Variants in AGMO observed in about 807,000 individuals in gnomAD.
AGMO encodes the protein alkylglycerol monooxygenase.
AGMO carries 75 observed loss-of-function variants against 60.2 expected under a neutral mutation model. That is an observed-to-expected ratio of 1.25 (90% CI 1.03 to 1.51). AGMO has a LOEUF of 1.51. Ranked by LOEUF, AGMO falls within the 40% of genes most tolerant of loss-of-function variation. AGMO has a pLI of 0.00. For missense variants in AGMO, 763 were observed against 525.5 expected (o/e 1.45, Z -4.42); for synonymous variants, 261 against 177.1 (o/e 1.47, Z -3.76).
intron 12 of AGMO, among the ~76,000 whole-genome samples, chr7:15,363,482 C>A (rs1468975513): frequency 6.6e-6 from 1 of 152,136 alleles, no homozygotes; most frequent in Non-Finnish European, 1.5e-5. Context: ...ACGAGCAAAG[C>A]AAGACCAAGA....
chr7:15,431,205 A>C lies in AGMO; in HGVS notation c.410-97T>G, dbSNP rs1372513598. 5.2e-6 allele frequency: 4 copies of C among 774,822 alleles called. No homozygotes were observed. The African/African-American group carries it at 7.1e-5, about 14-fold the overall frequency. 48.0% of individuals were successfully genotyped at this position (774,822 alleles called of 1,614,324 possible). ...CTGCTCTGTTGAGTGAGGAAGAAAA[A>C]TCTGGAACATCTCTGTAAAAGCTGG... On this transcript the variant is annotated intron_variant, in intron 3 of 12. Coordinates refer to ENST00000342526, the MANE Select transcript of AGMO (RefSeq NM_001004320.2).
chr7:15,379,921 C>A (rs1783609096), intron 10 of AGMO, among the ~76,000 whole-genome samples: 3 of 151,286 alleles, frequency 2.0e-5, no homozygotes, highest in Non-Finnish European at 2.9e-5. Context: ...ATATGATTAT[C>A]CCAATAGATG....
chr7:15,228,557 A>C (rs1364290103), intron 12 of AGMO, among the ~76,000 whole-genome samples: 1 of 152,172 alleles, frequency 6.6e-6, no homozygotes, highest in Non-Finnish European at 1.5e-5. Flanking sequence ...GGTTAGGCAG[A>C]ATCACATATT....
chr7:15,248,212 A>C lies in AGMO; in HGVS notation c.1264-46853T>G, dbSNP rs556565890. On this transcript the variant is annotated intron_variant, in intron 12 of 12. Coordinates refer to ENST00000342526, the MANE Select transcript of AGMO (RefSeq NM_001004320.2). ...TATATATATATATATATATATATATATATATATATATATCTTCATCTTCAA... is the reference window on the plus strand; with the variant it reads ...TATATATATATATATATATATATATCTATATATATATATCTTCATCTTCAA... Among the ~76,000 whole-genome samples the C allele has an allele frequency of 4.0e-3, 391 of 97,894 alleles. 11 individuals carry two copies. The highest frequency in any genetic ancestry group is 0.016 in the African/African-American group (362 of 22,270). The allele number at this position is 97,894 out of a possible 152,430, so 64.2% of individuals were successfully genotyped here.
chr7:15,358,369 C>A, intron 12 of AGMO: 1 of 467,788 alleles, frequency 2.1e-6, no homozygotes, highest in South Asian at 1.6e-5. Flanking sequence ...GCTGCCCAGA[C>A]GAGATGATAA....
intron 5 of AGMO, among the ~76,000 whole-genome samples, chr7:15,402,606 T>C (rs1337696961): frequency 6.9e-6 from 1 of 145,826 alleles, no homozygotes; most frequent in Non-Finnish European, 1.5e-5. Flanking sequence ...ATTTATCATT[T>C]AATAATAATA....
At chr7:15,397,624 C>T (rs1225871032) in intron 5 of AGMO, among the ~76,000 whole-genome samples, 1 of 152,234 alleles carries the variant, frequency 6.6e-6, no homozygotes, top group African/African-American at 2.4e-5. Flanking sequence ...CCCCACCTCT[C>T]CCTCTCTTTC....
chr7:15,309,383 G>A (rs1194180850), intron 12 of AGMO, among the ~76,000 whole-genome samples: 1 of 152,066 alleles, frequency 6.6e-6, no homozygotes, highest in African/African-American at 2.4e-5. Context: ...AGCTCTCTGT[G>A]TTGTGAGAAT....
chr7:15,372,626 G>C (rs1010716147), intron 10 of AGMO, among the ~76,000 whole-genome samples: 1 of 151,322 alleles, frequency 6.6e-6, no homozygotes, highest in East Asian at 1.9e-4. Context: ...AACTACACTA[G>C]AGCAAAAGAA....
chr7:15,246,196 A>G (rs1207964220), intron 12 of AGMO, among the ~76,000 whole-genome samples: 3 of 152,188 alleles, frequency 2.0e-5, no homozygotes, highest in African/African-American at 4.8e-5. Flanking sequence ...TAGCTCTCTA[A>G]GGATGCTGAT....
intron 5 of AGMO, among the ~76,000 whole-genome samples, chr7:15,413,975 TAAA>T (rs1304991619): frequency 6.6e-6 from 1 of 152,170 alleles, no homozygotes; most frequent in Non-Finnish European, 1.5e-5. Flanking sequence ...TCTAAAATAA[TAAA>T]AACAATATTT....
intron 5 of AGMO, among the ~76,000 whole-genome samples, chr7:15,402,744 T>A (rs1784586048): frequency 6.7e-6 from 1 of 149,988 alleles, no homozygotes; most frequent in Non-Finnish European, 1.5e-5. Context: ...AATAAGGGTT[T>A]TCTATCAACA....
downstream of AGMO, among the ~76,000 whole-genome samples, chr7:15,195,963 T>G (rs1424762965): frequency 1.3e-5 from 2 of 152,054 alleles, no homozygotes; most frequent in African/African-American, 4.8e-5. Flanking sequence ...AGCTTGCTGA[T>G]GCTTACATAG....
chr7:15,406,277 T>C (rs1203404626), intron 5 of AGMO, among the ~76,000 whole-genome samples: 3 of 146,556 alleles, frequency 2.0e-5, no homozygotes, highest in Admixed American at 6.9e-5. Flanking sequence ...AGTATACATG[T>C]ACACATATGT....
intron 12 of AGMO, among the ~76,000 whole-genome samples, chr7:15,241,302 T>C (rs2128503034): frequency 6.7e-6 from 1 of 150,238 alleles, no homozygotes; most frequent in East Asian, 2.0e-4. Context: ...CTACTAAAAA[T>C]ACAAAAAATT....
chr7:15,202,122 A>C (rs926222584), intron 12 of AGMO, among the ~76,000 whole-genome samples: 2 of 152,138 alleles, frequency 1.3e-5, no homozygotes, highest in Non-Finnish European at 2.9e-5. Context: ...AAACAATGCC[A>C]AAACAACCAG....
intron 8 of AGMO, among the ~76,000 whole-genome samples, chr7:15,388,310 T>C (rs1482711901): frequency 2.6e-5 from 4 of 152,124 alleles, no homozygotes; most frequent in African/African-American, 7.2e-5. Flanking sequence ...CTCAAGGTCA[T>C]CGCCAAGCTC....
chr7:15,443,248 C>G (rs954018745), intron 3 of AGMO, among the ~76,000 whole-genome samples: 8 of 152,170 alleles, frequency 5.3e-5, no homozygotes, highest in African/African-American at 1.9e-4. Context: ...TAAAAGGGCA[C>G]ATGGTAACAC....
chr7:15,531,349 ATATATATTC>A (rs1562557062), intron 3 of AGMO, among the ~76,000 whole-genome samples: 3 of 77,028 alleles, frequency 3.9e-5, no homozygotes, highest in Non-Finnish European at 7.2e-5. Flanking sequence ...TATATATTCT[ATATATATTC>A]TATATATATA....
Sources: allele counts gnomAD v4.1 joint callset (sites outside exome capture counted in the v4.1 genomes callset), GRCh38; gene constraint gnomAD v4.1.1; transcripts MANE v1.5; gene names NCBI Gene and HGNC (gene_info 2026-07-23, HGNC 2026-07-21).